The following GTF2B variants were observed in gnomAD, a reference collection of about 807,000 sequenced individuals.
GTF2B encodes the protein general transcription factor IIB, also known as transcription initiation factor IIB.
A neutral mutation model predicts 34.6 loss-of-function variants in GTF2B; 20 were observed. The observed-to-expected ratio is 0.58, with a 90% CI of 0.41 to 0.84. GTF2B has a LOEUF of 0.84. GTF2B is among the 40% of genes least tolerant of loss of function. GTF2B has a pLI of 0.00. For missense variants in GTF2B, 237 were observed against 393.3 expected (o/e 0.60, Z 3.36); for synonymous variants, 142 against 132.4 (o/e 1.07, Z -0.50).
chr1:88,876,697 C>T (rs186655153), intron 2 of GTF2B, among the ~76,000 whole-genome samples: 1 of 152,210 alleles, frequency 6.6e-6, no homozygotes, highest in Admixed American at 6.5e-5. Flanking sequence ...TGTATCTCCA[C>T]AATATGTATC....
At chr1:88,863,145 GCA>G (rs771228349) in intron 3 of GTF2B, among the ~76,000 whole-genome samples, 1 of 152,028 alleles carries the variant, frequency 6.6e-6, no homozygotes, top group African/African-American at 2.4e-5. Context: ...CACTGACTGA[GCA>G]CACAGTATAC....
chr1:88,891,274 G>T (rs1005076249), intron 1 of GTF2B, among the ~76,000 whole-genome samples: 7 of 152,182 alleles, frequency 4.6e-5, no homozygotes, highest in African/African-American at 1.7e-4. Flanking sequence ...AGACTCCAGG[G>T]CAATAACGTC....
intron 5 of GTF2B, 107 bp downstream of exon 5, chr1:88,859,775 G>A: frequency 1.1e-6 from 1 of 887,404 alleles, no homozygotes; most frequent in Non-Finnish European, 1.8e-6. Flanking sequence ...GGCAGAGGTT[G>A]CAGTGAGTCA....
chr1:88,879,708 T>A (rs1673892406), intron 2 of GTF2B, among the ~76,000 whole-genome samples: 1 of 152,090 alleles, frequency 6.6e-6, no homozygotes, highest in African/African-American at 2.4e-5. Context: ...TTAAGAGGAA[T>A]TAGTGACAAT....
At chr1:88,869,278 C>T (rs1201267046) in intron 2 of GTF2B, among the ~76,000 whole-genome samples, 1 of 152,138 alleles carries the variant, frequency 6.6e-6, no homozygotes. Context: ...GAGACTAGAG[C>T]ATCTGCAAAT....
rs139940304 is a variant in GTF2B, at chr1:88,856,804, G to GTT, written c.817+400_817+401dup. Among the ~76,000 whole-genome samples, 492 of 137,746 alleles carry GTT rather than the reference G, an allele frequency of 3.6e-3. 9 individuals carry two copies. The highest frequency in any genetic ancestry group is 7.5e-3 in the Middle Eastern group (2 of 268). 90.4% of individuals were successfully genotyped at this position (137,746 alleles called of 152,430 possible). On this transcript the variant is annotated intron_variant, in intron 6 of 6. Transcript: ENST00000370500. ...TTGAGGAATGATGTCTTAAACGTGG[G>GTT]TTTTTTTTTTTTTTTGAGATGGAGT... is the stretch of plus-strand genomic sequence containing the variant.
chr1:88,883,680 C>T (rs1326421707), intron 2 of GTF2B, among the ~76,000 whole-genome samples: 1 of 151,926 alleles, frequency 6.6e-6, no homozygotes, highest in Non-Finnish European at 1.5e-5. Flanking sequence ...AGTCACAGAA[C>T]TGATATTGAT....
At position 88,887,328 on chromosome 1, in the gene GTF2B, T is replaced by C. The variant is rs372248430; in HGVS notation, c.57A>G (p.Pro19=). ...TGTAGTCCTCCACTAAAATCGCATC[T>C]GGATGGTTTGGACATGTGACTCTTG... ...ALPRVTCPNH[P]DAILVEDYRA... Residue 19 remains proline, a synonymous_variant, in exon 2 of 7, where the codon CCA becomes CCG. Coordinates refer to ENST00000370500, the MANE Select transcript of GTF2B (RefSeq NM_001514.6). The C allele has an allele frequency of 6.2e-7, 1 of 1,612,634 alleles. No individual in the cohort carries two copies. The highest frequency in any genetic ancestry group is 8.5e-7 in the Non-Finnish European group (1 of 1,178,644).
intron 2 of GTF2B, among the ~76,000 whole-genome samples, chr1:88,872,618 T>G (rs1050212277): frequency 3.9e-5 from 6 of 152,128 alleles, no homozygotes; most frequent in Admixed American, 2.0e-4. Context: ...ATGTAAAGTT[T>G]TATTCTCTTT....
chr1:88,881,997 T>C (rs148403066), intron 2 of GTF2B, among the ~76,000 whole-genome samples: 1 of 152,252 alleles, frequency 6.6e-6, no homozygotes, highest in East Asian at 1.9e-4. Context: ...GCTGAAAATA[T>C]AATGGGATAC....
At chr1:88,889,839 C>T (rs1248103236) in intron 1 of GTF2B, among the ~76,000 whole-genome samples, 1 of 152,060 alleles carries the variant, frequency 6.6e-6, no homozygotes, top group Non-Finnish European at 1.5e-5. Context: ...GGCAATGTAA[C>T]TAGGCCTTGT....
chr1:88,861,174 A>G (rs1297808524), intron 3 of GTF2B, among the ~76,000 whole-genome samples: 1 of 150,846 alleles, frequency 6.6e-6, no homozygotes, highest in Non-Finnish European at 1.5e-5. Context: ...AACAACAAAA[A>G]TCTTGAAATA....
intron 5 of GTF2B, among the ~76,000 whole-genome samples, 162 bp from the exon 6 acceptor site, chr1:88,857,649 G>A (rs1673343197): frequency 7.0e-6 from 1 of 143,530 alleles, no homozygotes; most frequent in Non-Finnish European, 1.5e-5. Flanking sequence ...TTCCCACAGA[G>A]TTAACTGCAA....
At chr1:88,880,403 T>C (rs1673909362) in intron 2 of GTF2B, among the ~76,000 whole-genome samples, 2 of 152,210 alleles carry the variant, frequency 1.3e-5, no homozygotes, top group Admixed American at 1.3e-4. Context: ...AGCAGATGCC[T>C]TTAAACCAGC....
chr1:88,888,694 G>A (rs1674129068), intron 1 of GTF2B, among the ~76,000 whole-genome samples: 1 of 152,196 alleles, frequency 6.6e-6, no homozygotes. Context: ...TCAAAGATAT[G>A]AAGAGTGAAG....
chr1:88,865,086 C>G (rs565330397), intron 2 of GTF2B, among the ~76,000 whole-genome samples: 3 of 152,094 alleles, frequency 2.0e-5, no homozygotes, highest in African/African-American at 7.2e-5. Flanking sequence ...AAGAAACAAA[C>G]GGCAGAAACC....
At chr1:88,862,966 A>G (rs990453020) in intron 3 of GTF2B, among the ~76,000 whole-genome samples, 13 of 151,970 alleles carry the variant, frequency 8.6e-5, no homozygotes, top group African/African-American at 2.9e-4. Context: ...TTTTTGGAAA[A>G]AAAAAAAAAA....
intron 2 of GTF2B, among the ~76,000 whole-genome samples, chr1:88,877,847 C>T (rs1009961697): frequency 2.6e-5 from 4 of 152,218 alleles, no homozygotes; most frequent in African/African-American, 9.6e-5. Context: ...AGGAGAATCA[C>T]TGGAACCCGG....
chr1:88,856,488 C>T (rs535627343), intron 6 of GTF2B, among the ~76,000 whole-genome samples: 5 of 151,988 alleles, frequency 3.3e-5, no homozygotes, highest in African/African-American at 4.8e-5. Flanking sequence ...ATGGCCAACA[C>T]GTATTTTACA....
Sources: allele counts gnomAD v4.1 joint callset (sites outside exome capture counted in the v4.1 genomes callset), GRCh38; gene constraint gnomAD v4.1.1; transcripts MANE v1.5; gene names NCBI Gene and HGNC (gene_info 2026-07-23, HGNC 2026-07-21).